UBAP2: variants seen among roughly 807,000 people sequenced by gnomAD.
UBAP2 encodes the protein ubiquitin-associated protein 2.
Under a neutral mutation model 139.6 loss-of-function variants are expected in UBAP2, and 75 were observed. The ratio of observed to expected loss-of-function variants is 0.54; its 90% confidence interval spans 0.45 to 0.65. The LOEUF (loss-of-function observed/expected upper bound fraction) is 0.65, where lower values mean the gene tolerates loss of function less well. Among genes scored for constraint, UBAP2 ranks in the 30% least tolerant of loss-of-function variants. UBAP2 has a pLI of 0.00. For missense variants in UBAP2, 1,368 were observed against 1,369.6 expected (o/e 1.00, Z 0.02); for synonymous variants, 526 against 526.2 (o/e 1.00, Z 0.01).
intron 2 of UBAP2, among the ~76,000 whole-genome samples, chr9:34,002,667 G>A (rs1291344133): frequency 2.6e-5 from 4 of 151,188 alleles, no homozygotes; most frequent in African/African-American, 4.9e-5. Context: ...TGAGCCACCC[G>A]CCCAGCCTTA....
At chr9:33,968,709 C>A (rs1827665641) in intron 8 of UBAP2, among the ~76,000 whole-genome samples, 1 of 152,120 alleles carries the variant, frequency 6.6e-6, no homozygotes, top group South Asian at 2.1e-4. Context: ...AACATGAAAT[C>A]TATCCTTTTA....
chr9:34,042,188 A>T (rs1827154934), intron 1 of UBAP2, among the ~76,000 whole-genome samples: 1 of 151,910 alleles, frequency 6.6e-6, no homozygotes, highest in African/African-American at 2.4e-5. Flanking sequence ...TATTGTAAAA[A>T]AGTAACAGTA....
At chr9:34,005,194 C>T (rs900963589) in intron 2 of UBAP2, among the ~76,000 whole-genome samples, 4 of 149,086 alleles carry the variant, frequency 2.7e-5, no homozygotes, top group African/African-American at 9.9e-5. Flanking sequence ...ACCCGAGAGG[C>T]GGAGGTTGCA....
At chr9:33,948,874 G>A (rs1185606097) in intron 12 of UBAP2, 2 of 316,908 alleles carry the variant, frequency 6.3e-6, no homozygotes, top group African/African-American at 4.3e-5. Context: ...TGTTGGCCGG[G>A]CGCGGTGGCT....
chr9:34,041,812 T>C (rs1827119455), intron 1 of UBAP2, among the ~76,000 whole-genome samples: 1 of 149,986 alleles, frequency 6.7e-6, no homozygotes, highest in South Asian at 2.1e-4. Flanking sequence ...TCACCTGAGG[T>C]CAGGAGTTCG....
intron 1 of UBAP2, among the ~76,000 whole-genome samples, chr9:34,044,962 A>T (rs1235816862): frequency 6.6e-6 from 1 of 150,974 alleles, no homozygotes; most frequent in Non-Finnish European, 1.5e-5. Context: ...CTTCAAATCC[A>T]AATAGTTAAC....
chr9:33,944,772 T>G (rs940328456), intron 13 of UBAP2, 133 bp from the exon 14 acceptor site: 4 of 1,004,904 alleles, frequency 4.0e-6, no homozygotes, highest in Admixed American at 5.6e-5. Context: ...ACACACACTA[T>G]GTGTAACACT....
At chr9:33,933,432 G>T in intron 18 of UBAP2, 58 bp downstream of exon 18, 3 of 1,585,646 alleles carry the variant, frequency 1.9e-6, no homozygotes, top group Non-Finnish European at 1.7e-6. Flanking sequence ...ACCTTCTACA[G>T]GAGCTCCAGG....
At chr9:33,978,840 C>T (rs1820389475) in intron 6 of UBAP2, among the ~76,000 whole-genome samples, 1 of 152,080 alleles carries the variant, frequency 6.6e-6, no homozygotes, top group Non-Finnish European at 1.5e-5. Context: ...AAATACAAAA[C>T]AGTAAGGTAA....
At position 33,927,745 on chromosome 9, in the gene UBAP2, G is replaced by A. The variant is rs948941281; in HGVS notation, c.2371+52C>T. 4 of 1,533,472 alleles carry A rather than the reference G, an allele frequency of 2.6e-6. No homozygotes were observed. The African/African-American group carries it at 5.5e-5, about 21-fold the overall frequency. The allele number at this position is 1,533,472 out of a possible 1,614,324, so 95.0% of individuals were successfully genotyped here. On this transcript the variant is annotated intron_variant, in intron 20 of 28. Transcript: ENST00000379238. ...CACTGCCTTCCTGGGACGCCAAGCA[G>A]GCACCTTTGAGGGGCTCAGGGGTGG...
intron 2 of UBAP2, among the ~76,000 whole-genome samples, chr9:34,012,731 C>A (rs1823866173): frequency 1.3e-5 from 2 of 151,286 alleles, no homozygotes; most frequent in Admixed American, 6.6e-5. Flanking sequence ...AGGAAGAGAA[C>A]AGGATAAAGT....
At position 33,923,278 on chromosome 9, in the gene UBAP2, G is replaced by A; in HGVS notation, c.2912C>T (p.Thr971Ile). 1 of 1,614,208 alleles carries A rather than the reference G, an allele frequency of 6.2e-7. No homozygotes were observed. Residue 971 changes from threonine to isoleucine, a missense_variant, in exon 26 of 29, where the codon ACC (threonine) becomes ATC (isoleucine). By Grantham distance (89) the Thr-to-Ile change is moderately conservative. Transcript: ENST00000379238. ...GTAGTCTCCTGCTGCTGTCCCCTGG[G>A]TCAGGTCGTCATAACCTAGCGTGGC... ...HGYSTGYDDL[T>I]QGTAAGDYSK... is the part of the protein sequence containing the mutation.
At chr9:33,998,752 T>C in intron 3 of UBAP2, 35 bp downstream of exon 3, 1 of 1,567,374 alleles carries the variant, frequency 6.4e-7, no homozygotes, top group South Asian at 1.1e-5. Flanking sequence ...CAAAATAGAT[T>C]ATAAAAATGA....
chr9:33,985,572 G>C (rs1821134178), intron 6 of UBAP2, among the ~76,000 whole-genome samples: 1 of 152,186 alleles, frequency 6.6e-6, no homozygotes, highest in Non-Finnish European at 1.5e-5. Flanking sequence ...GACACAGAAA[G>C]ATAAATATCA....
At chr9:33,990,960 C>T (rs948894888) in intron 4 of UBAP2, among the ~76,000 whole-genome samples, 25 of 152,034 alleles carry the variant, frequency 1.6e-4, no homozygotes, top group African/African-American at 5.8e-4. Context: ...CTCTTTCAAC[C>T]CAGCAATTCT....
At chr9:33,973,365 T>A (rs1383190575) in intron 6 of UBAP2, 128 bp from the exon 7 acceptor site, 2 of 1,008,020 alleles carry the variant, frequency 2.0e-6, no homozygotes, top group Non-Finnish European at 3.0e-6. Context: ...AACATTCCAA[T>A]CCAGGGCACC....
intron 16 of UBAP2, among the ~76,000 whole-genome samples, chr9:33,939,872 GA>G (rs1225589473): frequency 3.2e-3 from 2 of 626 alleles, no homozygotes; most frequent in African/African-American, 6.3e-3. Flanking sequence ...GGAGGAGGAG[GA>G]GGGGAGGAGG....
intron 6 of UBAP2, among the ~76,000 whole-genome samples, chr9:33,979,089 G>A (rs1820410656): frequency 6.6e-6 from 1 of 152,006 alleles, no homozygotes; most frequent in Non-Finnish European, 1.5e-5. Flanking sequence ...TTGAAAATTA[G>A]CTGGGCATTG....
intron 1 of UBAP2, among the ~76,000 whole-genome samples, chr9:34,020,015 C>T (rs1478491078): frequency 6.6e-6 from 1 of 151,740 alleles, no homozygotes; most frequent in Non-Finnish European, 1.5e-5. Context: ...CAAAAATTAG[C>T]CAGGCATGGT....
Sources: gnomAD v4.1 joint callset for allele counts (sites outside exome capture counted in the v4.1 genomes callset) on GRCh38, gnomAD v4.1.1 for gene constraint, MANE v1.5 for transcripts, NCBI Gene and HGNC (gene_info 2026-07-23, HGNC 2026-07-21) for gene names.